ADA2: variants seen among roughly 807,000 people sequenced by gnomAD.
ADA2 encodes the protein adenosine deaminase 2.
A neutral mutation model predicts 44.2 loss-of-function variants in ADA2; 29 were observed. The ratio of observed to expected loss-of-function variants is 0.66; its 90% CI spans 0.49 to 0.89. The LOEUF is 0.89. Ranked by LOEUF, ADA2 falls within the 40% of genes least tolerant of loss-of-function variation. The pLI is 0.00. For missense variants in ADA2, 637 were observed against 644.8 expected, an observed-to-expected ratio of 0.99 and a Z score of 0.13; for synonymous variants, 215 against 234.9, an observed-to-expected ratio of 0.92 and a Z score of 0.77.
intron 3 of ADA2, 83 bp from the exon 4 acceptor site, chr22:17,203,856 T>G (rs2062321908): frequency 1.2e-5 from 10 of 827,160 alleles, no homozygotes; most frequent in Non-Finnish European, 1.2e-5. Flanking sequence ...CTACCCACCT[T>G]GCATATCCCA....
chr22:17,182,493 G>T, intron 8 of ADA2, 111 bp downstream of exon 8: 1 of 1,075,268 alleles, frequency 9.3e-7, no homozygotes, highest in Non-Finnish European at 1.4e-6. Flanking sequence ...GTGGAGGGAT[G>T]TAGGTAACAA....
chr22:17,203,767 C>T lies in ADA2; in HGVS notation c.549G>A (p.Leu183=), dbSNP rs1568984854. ...GCTGGGTCACCAGAGTGAAATTCCT[C>T]AGCAAGCTGTCCAAGACACGAAGTG... ...QNVTEFDDSL[L]RNFTLVTQHP... is the part of the protein sequence containing the mutation. Residue 183 remains leucine, a synonymous_variant, in exon 4 of 10, where the codon CTG becomes CTA. Transcript: ENST00000399837. 9 of 1,612,978 alleles carry T rather than the reference C, an allele frequency of 5.6e-6. No individual in the cohort carries two copies. The highest frequency in any genetic ancestry group is 6.8e-6 in the Non-Finnish European group (8 of 1,179,190).
At chr22:17,202,773 C>CTT (rs1555886608) in intron 4 of ADA2, among the ~76,000 whole-genome samples, 1 of 132,660 alleles carries the variant, frequency 7.5e-6, no homozygotes, top group South Asian at 2.4e-4. Flanking sequence ...TCCTTTCTTT[C>CTT]TTTTTTTTTT....
chr22:17,213,167 ATTAC>A (rs2062435358), intron 1 of ADA2, among the ~76,000 whole-genome samples: 1 of 152,180 alleles, frequency 6.6e-6, no homozygotes, highest in African/African-American at 2.4e-5. Context: ...AAAAATGGCT[ATTAC>A]TTAAAAGGCA....
upstream of ADA2, among the ~76,000 whole-genome samples, chr22:17,221,442 C>T (rs1427710487): frequency 5.3e-5 from 8 of 152,200 alleles, no homozygotes; most frequent in African/African-American, 1.2e-4. Context: ...CCCCCAGCCC[C>T]GACCCCCCCG....
chr22:17,196,463 G>T (rs1375556741), intron 4 of ADA2, among the ~76,000 whole-genome samples: 2 of 152,032 alleles, frequency 1.3e-5, no homozygotes, highest in South Asian at 2.1e-4. Flanking sequence ...GGACCAGAAA[G>T]TTGGAGAACC....
At position 17,181,122 on chromosome 22, in the gene ADA2, G is replaced by A. The variant is rs1197093201; in HGVS notation, c.*361C>T. The A allele has an allele frequency of 5.6e-6, 1 of 178,138 alleles. No homozygotes were observed. Among genetic ancestry groups the A allele is most frequent in the Non-Finnish European group, 1.2e-5 (1 of 85,284 alleles). The allele number at this position is 178,138 out of a possible 1,614,324, so 11.0% of individuals were successfully genotyped here. A position where few individuals can be genotyped will look rare whatever the true frequency, so the allele number is the denominator to read the frequency against. ...CATTGTACTCCAGCCTGGGCAACAA[G>A]AGCAAAACTCCATCTCGAAAAAATA... On this transcript the variant is annotated 3_prime_UTR_variant, in exon 10 of 10. Transcript: ENST00000399837.
intron 6 of ADA2, chr22:17,189,702 T>A: frequency 2.1e-6 from 1 of 473,284 alleles, no homozygotes; most frequent in South Asian, 2.4e-5. Flanking sequence ...CTTGTTAGCT[T>A]GTTAGAACTG....
chr22:17,199,440 T>TTCCCCTCCCTCCCCTCCACTATCCTCA, intron 4 of ADA2: 3 of 1,027,930 alleles, frequency 2.9e-6, no homozygotes, highest in Non-Finnish European at 4.6e-6. Context: ...CTCTATCCTC[T>TTCCCCTCCCTCCCCTCCACTATCCTCA]TCCCCTCCAC....
chr22:17,195,293 T>C (rs1487306970), intron 4 of ADA2, among the ~76,000 whole-genome samples: 1 of 152,074 alleles, frequency 6.6e-6, no homozygotes, highest in African/African-American at 2.4e-5. Context: ...CGGAGGCAGA[T>C]CACCTCGGGC....
chr22:17,184,011 T>C (rs2062006734), intron 7 of ADA2, among the ~76,000 whole-genome samples: 1 of 122,196 alleles, frequency 8.2e-6, no homozygotes, highest in African/African-American at 3.2e-5. Flanking sequence ...CAGGCTGGAG[T>C]GCAGTGGTGC....
At position 17,209,735 on chromosome 22, in the gene ADA2, A is replaced by G; in HGVS notation, c.-46-12T>C. 7.4e-7 allele frequency: 1 copy of G among 1,358,942 alleles called. No homozygotes were observed. Among genetic ancestry groups the G allele is most frequent in the Non-Finnish European group, 1.0e-6 (1 of 987,188 alleles). 84.2% of individuals were successfully genotyped at this position (1,358,942 alleles called of 1,614,324 possible). A position where few individuals can be genotyped will look rare whatever the true frequency, so the allele number is the denominator to read the frequency against. ...GAGACTCCACGGGACTGCAAAGGAG[A>G]GTGGGGGAGTGAAAACCTACAGATT... On this transcript the variant is annotated splice_polypyrimidine_tract_variant and intron_variant, in intron 1 of 9. Coordinates refer to ENST00000399837, the MANE Select transcript of ADA2 (RefSeq NM_001282225.2).
At chr22:17,219,800 G>A (rs369711693), upstream of ADA2, among the ~76,000 whole-genome samples, 5 of 148,412 alleles carry the variant, frequency 3.4e-5, no homozygotes, top group South Asian at 8.8e-4. Flanking sequence ...TCAGCCTCCC[G>A]AGTAGCTGGG....
chr22:17,185,984 G>T (rs2062031284), intron 7 of ADA2, among the ~76,000 whole-genome samples: 1 of 152,182 alleles, frequency 6.6e-6, no homozygotes, highest in Non-Finnish European at 1.5e-5. Context: ...ACATTTTAAG[G>T]ACTGGAATAC....
At chr22:17,183,236 A>G (rs559532993) in intron 7 of ADA2, among the ~76,000 whole-genome samples, 300 of 152,142 alleles carry the variant, frequency 2.0e-3, no homozygotes, top group Middle Eastern at 0.01. Flanking sequence ...GGCACACGCC[A>G]CCACGCCCAG....
chr22:17,194,339 C>G (rs2062163126), intron 4 of ADA2, among the ~76,000 whole-genome samples: 1 of 152,218 alleles, frequency 6.6e-6, no homozygotes, highest in Non-Finnish European at 1.5e-5. Context: ...TCATTTCCCA[C>G]CAGCCCCTTG....
intron 2 of ADA2, 45 bp downstream of exon 2, chr22:17,209,311 C>T: frequency 6.6e-7 from 1 of 1,512,324 alleles, no homozygotes; most frequent in Non-Finnish European, 9.1e-7. Flanking sequence ...AAGATGAGTC[C>T]CTCTACCTTC....
Position 17,199,033 on chromosome 22 carries a change from G to T in ADA2, c.753+4530C>A, listed in dbSNP as rs1334315421. 2.0e-5 allele frequency among the ~76,000 whole-genome samples: 3 copies of T among 152,110 alleles called. No homozygotes were observed. The East Asian group carries it at 5.8e-4, about 29-fold the overall frequency. ...ATGTGTTGGTGGCCCCCCAACTCTGGCTAATGGGGGGCATTAAGACCTAGA... is the reference window on the plus strand; with the variant it reads ...ATGTGTTGGTGGCCCCCCAACTCTGTCTAATGGGGGGCATTAAGACCTAGA... On this transcript the variant is annotated intron_variant, in intron 4 of 9. Transcript: ENST00000399837.
chr22:17,190,929 G>A (rs1247446467), intron 5 of ADA2, among the ~76,000 whole-genome samples: 1 of 152,234 alleles, frequency 6.6e-6, no homozygotes, highest in East Asian at 1.9e-4. Flanking sequence ...CATGGGAGGA[G>A]GCTCCTGGGG....
Sources: gnomAD v4.1 joint callset for allele counts (sites outside exome capture counted in the v4.1 genomes callset) on GRCh38, gnomAD v4.1.1 for gene constraint, MANE v1.5 for transcripts, NCBI Gene and HGNC (gene_info 2026-07-23, HGNC 2026-07-21) for gene names.